XRCC4: variants seen among roughly 807,000 people sequenced by gnomAD.
XRCC4 encodes the protein DNA repair protein XRCC4.
A neutral mutation model predicts 39.1 loss-of-function variants in XRCC4; 28 were observed. That is an observed-to-expected ratio of 0.72 (90% confidence interval 0.53 to 0.98). The LOEUF (loss-of-function observed/expected upper bound fraction) is 0.98. Ranked by LOEUF, XRCC4 falls within the 50% of genes least tolerant of loss-of-function variation. The pLI is 0.00. For synonymous variants in XRCC4, 123 were observed against 126.4 expected (o/e 0.97, Z 0.18); for missense variants, 350 against 376.4 (o/e 0.93, Z 0.58).
intron 6 of XRCC4, among the ~76,000 whole-genome samples, chr5:83,257,959 G>A (rs1753608559): frequency 6.6e-6 from 1 of 152,088 alleles, no homozygotes; most frequent in Non-Finnish European, 1.5e-5. Flanking sequence ...AACATTGCAT[G>A]TTCTCACTCA....
intron 7 of XRCC4, among the ~76,000 whole-genome samples, chr5:83,283,098 C>T (rs2112958575): frequency 6.8e-6 from 1 of 146,730 alleles, no homozygotes; most frequent in East Asian, 2.0e-4. Flanking sequence ...AAGGAATTGA[C>T]AACAAATAGT....
intron 7 of XRCC4, among the ~76,000 whole-genome samples, chr5:83,284,857 T>C (rs1425171281): frequency 6.6e-6 from 1 of 152,118 alleles, no homozygotes; most frequent in African/African-American, 2.4e-5. Context: ...TAGCACTACC[T>C]GATTATTTTC....
At chr5:83,210,700 A>G (rs1198346251) in intron 6 of XRCC4, among the ~76,000 whole-genome samples, 1 of 152,212 alleles carries the variant, frequency 6.6e-6, no homozygotes, top group African/African-American at 2.4e-5. Flanking sequence ...CTATTTGTAC[A>G]TACATTCTCA....
chr5:83,229,302 A>G (rs982748638), intron 6 of XRCC4, among the ~76,000 whole-genome samples: 10 of 152,030 alleles, frequency 6.6e-5, no homozygotes, highest in Non-Finnish European at 1.3e-4. Context: ...GCTGGCAGGT[A>G]TTATGATGAC....
intron 1 of XRCC4, among the ~76,000 whole-genome samples, chr5:83,097,024 C>T (rs1224617569): frequency 6.6e-6 from 1 of 152,092 alleles, no homozygotes; most frequent in Non-Finnish European, 1.5e-5. Flanking sequence ...AAATTTTAGT[C>T]CATTTTGAGA....
In XRCC4 at chr5:83,154,907, G is replaced by A. The variant is rs533704046; in HGVS notation, c.316-40863G>A. 6.6e-5 allele frequency among the ~76,000 whole-genome samples: 10 copies of A among 152,102 alleles called. No individual in the cohort carries two copies. In the East Asian group the frequency reaches 1.5e-3, roughly 24 times the overall value. On this transcript the variant is annotated intron_variant, in intron 3 of 7. Transcript: ENST00000396027. ...ATCCCACTGTCATCTCTTATCATTC[G>A]CAGTCTTATTCTTTTATATCCAACT...
the XRCC4 span, among the ~76,000 whole-genome samples, chr5:83,361,089 A>C: frequency 1.3e-5 from 2 of 152,154 alleles, no homozygotes; most frequent in Non-Finnish European, 2.9e-5. Context: ...TGTGTGACTT[A>C]CTTATTTTCT....
intron 3 of XRCC4, among the ~76,000 whole-genome samples, chr5:83,152,758 A>G (rs752059386): frequency 6.6e-6 from 1 of 152,032 alleles, no homozygotes; most frequent in Non-Finnish European, 1.5e-5. Context: ...ATAATTGTAG[A>G]TTCATATGCA....
chr5:83,081,437 G>A (rs1251364650), intron 1 of XRCC4, among the ~76,000 whole-genome samples: 2 of 151,718 alleles, frequency 1.3e-5, no homozygotes, highest in Admixed American at 6.6e-5. Flanking sequence ...TTCCCACATG[G>A]CTTTTCAATT....
intron 6 of XRCC4, among the ~76,000 whole-genome samples, chr5:83,215,036 T>C (rs1210758062): frequency 3.3e-5 from 5 of 151,978 alleles, no homozygotes; most frequent in Admixed American, 6.6e-5. Context: ...ATTTATAGAT[T>C]AGAAATTTAG....
At chr5:83,337,680 C>T (rs1027709071) in intron 7 of XRCC4, among the ~76,000 whole-genome samples, 1 of 152,154 alleles carries the variant, frequency 6.6e-6, no homozygotes, top group Non-Finnish European at 1.5e-5. Flanking sequence ...CACGCTGTGT[C>T]CTGGACAAAT....
intron 1 of XRCC4, among the ~76,000 whole-genome samples, chr5:83,083,603 C>T (rs866838606): frequency 1.7e-4 from 26 of 152,036 alleles, no homozygotes; most frequent in African/African-American, 6.0e-4. Context: ...GTCTCGAACT[C>T]CTGACCTCGT....
chr5:83,351,013 T>C (rs1196907645), intron 7 of XRCC4, among the ~76,000 whole-genome samples: 1 of 152,172 alleles, frequency 6.6e-6, no homozygotes, highest in Admixed American at 6.6e-5. Flanking sequence ...ATTGTAATCC[T>C]CAATCTTGAA....
chr5:83,337,991 A>G (rs370869274), intron 7 of XRCC4, among the ~76,000 whole-genome samples: 25 of 152,308 alleles, frequency 1.6e-4, no homozygotes, highest in African/African-American at 4.1e-4. Context: ...TAAGACATCT[A>G]CTAAGTAGAG....
downstream of XRCC4, among the ~76,000 whole-genome samples, chr5:83,358,265 G>A (rs1014496205): frequency 1.3e-5 from 2 of 152,132 alleles, no homozygotes. Flanking sequence ...ATCCACCATC[G>A]CTGTTCCTGA....
chr5:83,197,231 A>G (rs899785905), intron 4 of XRCC4, among the ~76,000 whole-genome samples: 1 of 152,140 alleles, frequency 6.6e-6, no homozygotes, highest in Non-Finnish European at 1.5e-5. Context: ...GATGATTTCA[A>G]TGTGATAGTA....
At chr5:83,237,182 C>A (rs1303334928) in intron 6 of XRCC4, among the ~76,000 whole-genome samples, 1 of 151,966 alleles carries the variant, frequency 6.6e-6, no homozygotes, top group South Asian at 2.1e-4. Context: ...ATAGAACTAC[C>A]TTGGAATCCA....
intron 3 of XRCC4, among the ~76,000 whole-genome samples, chr5:83,138,461 C>T (rs1748006037): frequency 6.6e-6 from 1 of 151,822 alleles, no homozygotes; most frequent in African/African-American, 2.4e-5. Context: ...GCTAGTAGAC[C>T]CAGAACTTTC....
At chr5:83,347,435 G>A (rs1433906013) in intron 7 of XRCC4, among the ~76,000 whole-genome samples, 2 of 152,114 alleles carry the variant, frequency 1.3e-5, no homozygotes. Context: ...CATGGTGGAA[G>A]GCAAAAGGGA....
Sources: allele counts gnomAD v4.1 joint callset (sites outside exome capture counted in the v4.1 genomes callset), GRCh38; gene constraint gnomAD v4.1.1; transcripts MANE v1.5; gene names NCBI Gene and HGNC (gene_info 2026-07-23, HGNC 2026-07-21).